The following CNNM1 variants were observed in gnomAD, a reference collection of about 807,000 sequenced individuals.
CNNM1 encodes cyclin and CBS domain divalent metal cation transport mediator 1.
CNNM1 carries 44 observed loss-of-function variants against 78.8 expected under a neutral mutation model. The ratio of observed to expected loss-of-function variants is 0.56; its 90% CI spans 0.44 to 0.72. The LOEUF (loss-of-function observed/expected upper bound fraction) is 0.72. Among genes scored for constraint, CNNM1 ranks in the 30% least tolerant of loss-of-function variants. The probability of loss-of-function intolerance (pLI) is 0.00; values close to 1 mark genes in which losing one functional copy is unlikely to be tolerated. For synonymous variants in CNNM1, 584 were observed against 581.5 expected (o/e 1.00, Z -0.06); for missense variants, 1,101 against 1,292.2 (o/e 0.85, Z 2.27).
intron 1 of CNNM1, 100 bp downstream of exon 1, chr10:99,331,060 C>G: frequency 8.3e-7 from 1 of 1,207,386 alleles, no homozygotes; most frequent in Non-Finnish European, 1.2e-6. Flanking sequence ...CAATTTCTCT[C>G]CTATGGTACT....
chr10:99,372,799 C>A (rs952698091), intron 6 of CNNM1, among the ~76,000 whole-genome samples: 3 of 152,084 alleles, frequency 2.0e-5, no homozygotes, highest in Admixed American at 1.3e-4. Context: ...ATTGATCTTG[C>A]GCAATACTCA....
rs781664354 is a variant in CNNM1 at position 99,330,319 on chromosome 10, G to A, written c.932G>A (p.Gly311Asp). 3 of 1,595,074 alleles carry A rather than the reference G, an allele frequency of 1.9e-6. No individual in the cohort carries two copies. The highest frequency in any genetic ancestry group is 2.3e-5 in the South Asian group (2 of 87,844). ...LYTSLPPGFG[G>D]TGEDYSEEGI... ...ACCTCGCTGCCGCCGGGCTTCGGGG[G>A]CACCGGGGAAGACTACAGCGAAGAG... The change falls in exon 1 of 11, where the codon GGC becomes GAC. Residue 311 changes from glycine (G) to aspartate (D), a missense_variant. Around this residue, in one of 3 missense-constraint regions of CNNM1, gnomAD observed 476 missense variants for 484.5 expected, o/e 0.98. Coordinates refer to ENST00000356713, the MANE Select transcript of CNNM1 (RefSeq NM_020348.3).
chr10:99,364,628 C>A, intron 5 of CNNM1, 112 bp downstream of exon 5: 2 of 850,014 alleles, frequency 2.4e-6, no homozygotes, highest in South Asian at 1.8e-5. Flanking sequence ...CTGGACAAGC[C>A]ATTTAACTTC....
At chr10:99,371,956 TAGGCAGG>T (rs1236967262) in intron 6 of CNNM1, among the ~76,000 whole-genome samples, 2 of 152,100 alleles carry the variant, frequency 1.3e-5, no homozygotes, top group African/African-American at 2.4e-5. Context: ...ACAAAAGATG[TAGGCAGG>T]CAACCCCTGA....
At chr10:99,349,024 T>C (rs1187095882) in intron 1 of CNNM1, among the ~76,000 whole-genome samples, 2 of 152,102 alleles carry the variant, frequency 1.3e-5, no homozygotes, top group Non-Finnish European at 2.9e-5. Flanking sequence ...GAGCTGAGAT[T>C]GCACCACTGC....
At chr10:99,387,219 G>A (rs1291496250) in intron 7 of CNNM1, among the ~76,000 whole-genome samples, 1 of 152,138 alleles carries the variant, frequency 6.6e-6, no homozygotes, top group Admixed American at 6.5e-5. Flanking sequence ...GCCTTCAGTT[G>A]TGGGTGTTTG....
chr10:99,391,375 C>A, intron 10 of CNNM1, 62 bp from the exon 11 acceptor site: 2 of 1,305,782 alleles, frequency 1.5e-6, no homozygotes, highest in Non-Finnish European at 2.2e-6. Context: ...ACTCAGACTG[C>A]CAAGCAATTA....
At chr10:99,345,124 T>G (rs2030637247) in intron 1 of CNNM1, among the ~76,000 whole-genome samples, 1 of 152,210 alleles carries the variant, frequency 6.6e-6, no homozygotes, top group African/African-American at 2.4e-5. Context: ...TCATTTTATT[T>G]TTCCAAGTCT....
chr10:99,385,253 A>G (rs1370827420), intron 7 of CNNM1, among the ~76,000 whole-genome samples: 1 of 152,172 alleles, frequency 6.6e-6, no homozygotes, highest in Non-Finnish European at 1.5e-5. Flanking sequence ...TTCAAAGCCT[A>G]CTGAAACAGC....
intron 7 of CNNM1, among the ~76,000 whole-genome samples, chr10:99,384,361 AAG>A (rs1564960735): frequency 6.6e-6 from 1 of 152,172 alleles, no homozygotes; most frequent in Non-Finnish European, 1.5e-5. Flanking sequence ...TTTTTTTAAA[AAG>A]AGAGCTGTGT....
At chr10:99,368,489 T>G in intron 6 of CNNM1, 3 of 422,866 alleles carry the variant, frequency 7.1e-6, no homozygotes, top group South Asian at 5.8e-5. Flanking sequence ...GATTCCTTTT[T>G]GCAGAGAAAT....
intron 7 of CNNM1, among the ~76,000 whole-genome samples, chr10:99,382,517 C>G (rs1389575790): frequency 6.6e-6 from 1 of 152,190 alleles, no homozygotes; most frequent in African/African-American, 2.4e-5. Flanking sequence ...AATCCCACCA[C>G]TTTGGGAGGC....
intron 8 of CNNM1, 24 bp downstream of exon 8, chr10:99,388,027 AGGCTGGGCTGGT>A (rs1388884080): frequency 6.3e-7 from 1 of 1,577,280 alleles, no homozygotes; most frequent in Non-Finnish European, 8.6e-7. Context: ...GCAGACGGGC[AGGCTGGGCTGGT>A]GTGGGGTGAG....
intron 2 of CNNM1, among the ~76,000 whole-genome samples, chr10:99,359,049 C>G (rs1323166742): frequency 7.1e-6 from 1 of 140,734 alleles, no homozygotes; most frequent in Non-Finnish European, 1.5e-5. Context: ...TCCCAGGTGT[C>G]TCAGATAAAC....
intron 7 of CNNM1, among the ~76,000 whole-genome samples, chr10:99,378,457 C>T (rs1589918192): frequency 6.6e-6 from 1 of 152,244 alleles, no homozygotes; most frequent in South Asian, 2.1e-4. Flanking sequence ...CGCACGCCTT[C>T]ATTATTTGGA....
chr10:99,374,845 A>G (rs536356845), intron 6 of CNNM1, among the ~76,000 whole-genome samples: 1 of 152,322 alleles, frequency 6.6e-6, no homozygotes, highest in East Asian at 1.9e-4. Flanking sequence ...CATGGAATTA[A>G]AAGTTGAATT....
At position 99,343,737 on chromosome 10, in the gene CNNM1, T is replaced by G. The variant is rs528697954; in HGVS notation, c.1573+12777T>G. ...TTTGTTTTGTTTTTTTGTTTTGAGA[T>G]GGAGTCTCCCTCTGTCGCCCAGGCT... On this transcript the variant is annotated intron_variant, in intron 1 of 10. Coordinates refer to ENST00000356713, the MANE Select transcript of CNNM1 (RefSeq NM_020348.3). Among the ~76,000 whole-genome samples the G allele has an allele frequency of 1.5e-4, 23 of 151,994 alleles. No individual in the cohort carries two copies. In the South Asian group the frequency reaches 4.6e-3, roughly 30 times the overall value.
chr10:99,341,253 C>T (rs979723317), intron 1 of CNNM1, among the ~76,000 whole-genome samples: 1 of 152,034 alleles, frequency 6.6e-6, no homozygotes, highest in Non-Finnish European at 1.5e-5. Context: ...GCATGGGTGC[C>T]ATGCTGGGCT....
chr10:99,366,611 G>C (rs540905703), intron 6 of CNNM1, among the ~76,000 whole-genome samples: 1 of 152,102 alleles, frequency 6.6e-6, no homozygotes, highest in South Asian at 2.1e-4. Context: ...GTGAAACCTT[G>C]TCTCTACTAA....
Sources: gnomAD v4.1 joint callset for allele counts (sites outside exome capture counted in the v4.1 genomes callset) on GRCh38, gnomAD v4.1.1 for gene constraint, gnomAD v4.1.1 regional missense constraint, MANE v1.5 for transcripts, NCBI Gene and HGNC (gene_info 2026-07-23, HGNC 2026-07-21) for gene names.